The following ADCY3 variants were observed in gnomAD, a reference collection of about 807,000 sequenced individuals.
ADCY3 encodes adenylate cyclase 3, also known as adenylate cyclase type 3.
ADCY3 carries 70 observed loss-of-function variants against 119.4 expected under a neutral mutation model. The ratio of observed to expected loss-of-function variants is 0.59; its 90% CI spans 0.48 to 0.72. ADCY3 has a LOEUF of 0.72. Among genes scored for constraint, ADCY3 ranks in the 30% least tolerant of loss-of-function variants. The pLI is 0.00. For synonymous variants in ADCY3, 672 were observed against 621.4 expected, an observed-to-expected ratio of 1.08 and a Z score of -1.21; for missense variants, 1,238 against 1,541.6, an observed-to-expected ratio of 0.80 and a Z score of 3.30.
At chr2:24,832,829 C>A (rs114114378) in intron 11 of ADCY3, among the ~76,000 whole-genome samples, 1 of 152,138 alleles carries the variant, frequency 6.6e-6, no homozygotes, top group Non-Finnish European at 1.5e-5. Context: ...TTCACGTGTC[C>A]CAAAGCAAAC....
At chr2:24,823,129 G>A (rs550272523) in intron 18 of ADCY3, 80 bp downstream of exon 18, 1 of 1,495,138 alleles carries the variant, frequency 6.7e-7, no homozygotes, top group Admixed American at 2.3e-5. Context: ...CAGTTTCTCT[G>A]GCCTCTGCAG....
rs566703884 is a variant in ADCY3, at chr2:24,820,275, G to A, written c.3253-161C>T. The A allele has an allele frequency of 1.5e-4, 180 of 1,218,548 alleles. No homozygotes were observed. In the East Asian group the frequency reaches 3.2e-3, roughly 22 times the overall value. The allele number at this position is 1,218,548 out of a possible 1,614,324, so 75.5% of individuals were successfully genotyped here. Reference sequence around the variant, plus strand: ...AGGGCCAAGCCCTTCCACCCGTGGCGAGCAGCGGGTGGGAAGGAGAACCCT... The same window carrying A: ...AGGGCCAAGCCCTTCCACCCGTGGCAAGCAGCGGGTGGGAAGGAGAACCCT... On this transcript the variant is annotated intron_variant, in intron 21 of 21. Coordinates refer to ENST00000679454, the MANE Select transcript of ADCY3 (RefSeq NM_004036.5).
Position 24,878,272 on chromosome 2 carries a change from C to G in ADCY3, c.676-5553G>C, listed in dbSNP as rs1225116399. Among the ~76,000 whole-genome samples the G allele has an allele frequency of 6.6e-6, 1 of 152,106 alleles. No homozygotes were observed. Among genetic ancestry groups the G allele is most frequent in the Non-Finnish European group, 1.5e-5 (1 of 68,026 alleles). On this transcript the variant is annotated intron_variant, in intron 2 of 21. Transcript: ENST00000679454. The surrounding 1 kb of genome is among the most constrained non-coding windows in gnomAD (Gnocchi z 4.0). Reference sequence around the variant, plus strand: ...CTCAGAACGCAACCATGAGAACATTCCTTTACAAAATCCTCCCTCCTGGAA... The same window carrying G: ...CTCAGAACGCAACCATGAGAACATTGCTTTACAAAATCCTCCCTCCTGGAA...
chr2:24,866,859 C>T (rs1002223819), intron 3 of ADCY3, among the ~76,000 whole-genome samples: 46 of 152,076 alleles, frequency 3.0e-4, no homozygotes, highest in African/African-American at 1.1e-3. Flanking sequence ...GATTAGTAAA[C>T]TGTAGATTAG....
rs767173658 is a variant in ADCY3, at chr2:24,842,999, C to T, written c.826-615G>A. 1.3e-5 allele frequency among the ~76,000 whole-genome samples: 2 copies of T among 152,256 alleles called. No individual in the cohort carries two copies. The highest frequency in any genetic ancestry group is 6.5e-5 in the Admixed American group (1 of 15,296). Reference sequence around the variant, plus strand: ...GAGAGAAGCAGGGGCCAAGGTCGGCCGGGGAGGAGGCATCAAGGAGGCCTT... The same window carrying T: ...GAGAGAAGCAGGGGCCAAGGTCGGCTGGGGAGGAGGCATCAAGGAGGCCTT... On this transcript the variant is annotated intron_variant, in intron 3 of 21. Transcript: ENST00000679454. The surrounding 1 kb of genome is among the most constrained non-coding windows in gnomAD (Gnocchi z 4.9).
At chr2:24,906,194 C>A (rs1227983473) in intron 2 of ADCY3, among the ~76,000 whole-genome samples, 1 of 152,088 alleles carries the variant, frequency 6.6e-6, no homozygotes, top group Non-Finnish European at 1.5e-5. Flanking sequence ...GTAATCCCAG[C>A]TACTTGGGAG....
chr2:24,835,855 G>A (rs1670242627), intron 9 of ADCY3, among the ~76,000 whole-genome samples: 1 of 151,420 alleles, frequency 6.6e-6, no homozygotes, highest in Non-Finnish European at 1.5e-5. Flanking sequence ...AGAATCTCTT[G>A]CACCCGGGAG....
intron 12 of ADCY3, 124 bp from the exon 13 acceptor site, chr2:24,830,949 G>A (rs1431935532): frequency 2.4e-5 from 18 of 739,634 alleles, no homozygotes; most frequent in Non-Finnish European, 3.9e-5. Context: ...GACTCTGCCT[G>A]GGAGTCACCT....
chr2:24,858,220 C>A (rs1206950553), intron 3 of ADCY3, among the ~76,000 whole-genome samples: 1 of 151,360 alleles, frequency 6.6e-6, no homozygotes, highest in African/African-American at 2.5e-5. Context: ...GTGTTGGACT[C>A]CTGGGCTCAA....
At chr2:24,868,619 G>T (rs1293291555) in intron 3 of ADCY3, among the ~76,000 whole-genome samples, 6 of 152,044 alleles carry the variant, frequency 3.9e-5, no homozygotes, top group Admixed American at 2.6e-4. Flanking sequence ...GGGTAACAGA[G>T]CAAGATTCAG....
intron 19 of ADCY3, chr2:24,822,103 T>A: frequency 5.3e-6 from 1 of 190,240 alleles, no homozygotes; most frequent in Admixed American, 5.5e-5. Context: ...GGACCAGGGC[T>A]CCTACACCTA....
chr2:24,838,389 C>A, intron 8 of ADCY3, 56 bp downstream of exon 8: 3 of 1,492,744 alleles, frequency 2.0e-6, no homozygotes, highest in Non-Finnish European at 2.7e-6. Flanking sequence ...TCCTTTCCAA[C>A]CCCCTAATCC....
chr2:24,876,690 G>T (rs1675753835), intron 2 of ADCY3, among the ~76,000 whole-genome samples: 1 of 152,178 alleles, frequency 6.6e-6, no homozygotes, highest in African/African-American at 2.4e-5. Flanking sequence ...TGCTGGGTAA[G>T]CAGGGCAGCT....
chr2:24,854,501 G>A (rs997156273), intron 3 of ADCY3, among the ~76,000 whole-genome samples: 12 of 152,210 alleles, frequency 7.9e-5, no homozygotes, highest in African/African-American at 2.9e-4. Context: ...TCCAGAAGGA[G>A]AACTTCTCAG....
intron 3 of ADCY3, among the ~76,000 whole-genome samples, chr2:24,861,671 T>C (rs1464586907): frequency 6.6e-6 from 1 of 152,222 alleles, no homozygotes; most frequent in Non-Finnish European, 1.5e-5. Flanking sequence ...CAGCTGATGT[T>C]TCTGAAACGT....
chr2:24,877,504 G>C (rs1675860718), intron 2 of ADCY3, among the ~76,000 whole-genome samples: 1 of 152,182 alleles, frequency 6.6e-6, no homozygotes, highest in Non-Finnish European at 1.5e-5. Flanking sequence ...GTACATTTTG[G>C]GAGTGATCTA....
chr2:24,820,644 A>G, intron 21 of ADCY3, 80 bp downstream of exon 21: 6 of 1,584,056 alleles, frequency 3.8e-6, no homozygotes, highest in Non-Finnish European at 5.2e-6. Context: ...GGTGGGAGGC[A>G]GGGGCACGTG....
In ADCY3 at chr2:24,878,965, G is replaced by A. The variant is rs1676046731; in HGVS notation, c.676-6246C>T. On this transcript the variant is annotated intron_variant, in intron 2 of 21. Coordinates refer to ENST00000679454, the MANE Select transcript of ADCY3 (RefSeq NM_004036.5). The surrounding 1 kb of genome is among the most constrained non-coding windows in gnomAD (Gnocchi z 4.0). ...AGCAAACTCCATGCAGCCGGGACAC[G>A]GGTTGTTTCCCTGCTGGCTCCCCAG... 1.3e-5 allele frequency among the ~76,000 whole-genome samples: 2 copies of A among 152,268 alleles called. No individual in the cohort carries two copies. Among genetic ancestry groups the A allele is most frequent in the African/African-American group, 2.4e-5 (1 of 41,538 alleles).
rs893564091 is a variant in ADCY3 at position 24,839,468 on chromosome 2, G to A, written c.1355+405C>T. Among the ~76,000 whole-genome samples, 146 of 152,318 alleles carry A rather than the reference G, an allele frequency of 9.6e-4. 1 individual carries two copies. Among genetic ancestry groups the A allele is most frequent in the African/African-American group, 3.3e-3 (139 of 41,574 alleles). On this transcript the variant is annotated intron_variant, in intron 7 of 21. Coordinates refer to ENST00000679454, the MANE Select transcript of ADCY3 (RefSeq NM_004036.5). ...CAAGTAAGGCGTGTAATCGCACTGC[G>A]ACCTGCAAAACGCTGCCTGCGAGCC...
Sources: gnomAD v4.1 joint callset for allele counts (sites outside exome capture counted in the v4.1 genomes callset) on GRCh38, gnomAD v4.1.1 for gene constraint, Gnocchi (gnomAD v3.1) non-coding constraint, MANE v1.5 for transcripts, NCBI Gene and HGNC (gene_info 2026-07-23, HGNC 2026-07-21) for gene names.